The following ARHGAP26 variants were observed in gnomAD, a reference collection of about 807,000 sequenced individuals.
ARHGAP26 encodes Rho GTPase activating protein 26.
ARHGAP26 carries 38 observed loss-of-function variants against 104.8 expected under a neutral mutation model. That is an observed-to-expected ratio of 0.36 (90% CI 0.28 to 0.48). ARHGAP26 has a LOEUF of 0.48. ARHGAP26 is among the 20% of genes least tolerant of loss of function. The pLI is 0.99. For missense variants in ARHGAP26, 704 were observed against 947.9 expected, an observed-to-expected ratio of 0.74 and a Z score of 3.38; for synonymous variants, 341 against 340.0, an observed-to-expected ratio of 1.00 and a Z score of -0.03.
At chr5:143,048,599 T>C (rs1784547313) in intron 14 of ARHGAP26, among the ~76,000 whole-genome samples, 4 of 151,928 alleles carry the variant, frequency 2.6e-5, no homozygotes, top group Admixed American at 2.6e-4. Context: ...GTTATCTTTT[T>C]TCTAAACGAA....
At chr5:142,991,761 G>T (rs1045545357) in intron 11 of ARHGAP26, among the ~76,000 whole-genome samples, 2 of 152,210 alleles carry the variant, frequency 1.3e-5, no homozygotes, top group African/African-American at 4.8e-5. Context: ...TAGCCTAGTT[G>T]TGTAGTAGGC....
chr5:143,038,171 A>G (rs1345154066), intron 13 of ARHGAP26, among the ~76,000 whole-genome samples: 4 of 152,216 alleles, frequency 2.6e-5, no homozygotes, highest in Admixed American at 2.6e-4. Context: ...CTCTCAGCCT[A>G]CCAGCCCTTT....
At chr5:143,138,888 G>T (rs1298771570) in intron 19 of ARHGAP26, among the ~76,000 whole-genome samples, 1 of 152,182 alleles carries the variant, frequency 6.6e-6, no homozygotes, top group Admixed American at 6.5e-5. Flanking sequence ...GGGTTACACG[G>T]CAACAACGTA....
intron 11 of ARHGAP26, among the ~76,000 whole-genome samples, chr5:142,985,767 T>C (rs1274474862): frequency 6.6e-6 from 1 of 151,674 alleles, no homozygotes; most frequent in Non-Finnish European, 1.5e-5. Context: ...TTTGGTTTTC[T>C]GTCCTTGCGA....
chr5:143,219,590 T>C (rs1446238084), intron 22 of ARHGAP26, among the ~76,000 whole-genome samples: 1 of 152,192 alleles, frequency 6.6e-6, no homozygotes, highest in African/African-American at 2.4e-5. Context: ...ACAAAGGAAG[T>C]GGGGCTTCAG....
chr5:143,097,790 C>G (rs1167022833), intron 17 of ARHGAP26, among the ~76,000 whole-genome samples: 1 of 136,858 alleles, frequency 7.3e-6, no homozygotes, highest in Non-Finnish European at 1.5e-5. Flanking sequence ...CCACTGCATG[C>G]CAGCCTGGGT....
intron 21 of ARHGAP26, among the ~76,000 whole-genome samples, chr5:143,211,810 C>G (rs1809512143): frequency 2.0e-5 from 3 of 152,138 alleles, no homozygotes; most frequent in South Asian, 2.1e-4. Context: ...ATCCTCCCAC[C>G]TCCCAAAGTG....
chr5:142,885,831 T>C (rs1757621815), intron 5 of ARHGAP26, among the ~76,000 whole-genome samples: 1 of 152,258 alleles, frequency 6.6e-6, no homozygotes, highest in Admixed American at 6.5e-5. Context: ...TATTGATTTT[T>C]TCATTATTTC....
intron 19 of ARHGAP26, among the ~76,000 whole-genome samples, chr5:143,141,636 C>T (rs1295451598): frequency 1.3e-5 from 2 of 152,158 alleles, no homozygotes; most frequent in Non-Finnish European, 2.9e-5. Flanking sequence ...GTGTAGTTTC[C>T]TTCTAATGAG....
chr5:143,147,228 C>A lies in ARHGAP26; in HGVS notation c.1838-3C>A, dbSNP rs775603689. 2 of 1,613,450 alleles carry A rather than the reference C, an allele frequency of 1.2e-6. No homozygotes were observed. The highest frequency in any genetic ancestry group is 1.7e-6 in the Non-Finnish European group (2 of 1,179,696). ...TATGGGACTTGTGGCTTTTCCCCCC[C>A]AGAGGAACAAAGGAACAGCATCATC... is the stretch of plus-strand genomic sequence containing the variant. On this transcript the variant is annotated splice_region_variant and splice_polypyrimidine_tract_variant and intron_variant, in intron 19 of 22. Transcript: ENST00000645722.
At chr5:142,937,667 G>T (rs1305698270) in intron 11 of ARHGAP26, among the ~76,000 whole-genome samples, 2 of 152,082 alleles carry the variant, frequency 1.3e-5, no homozygotes, top group Non-Finnish European at 2.9e-5. Context: ...TGGGTGAATG[G>T]TTAAACAAAC....
intron 14 of ARHGAP26, 44 bp from the exon 15 acceptor site, chr5:143,054,395 C>G: frequency 7.2e-7 from 1 of 1,397,902 alleles, no homozygotes; most frequent in South Asian, 1.3e-5. Flanking sequence ...TTTATTAGTT[C>G]CATTTTATGC....
At position 142,887,285 on chromosome 5, in the gene ARHGAP26, C is replaced by T. The variant is rs150645697; in HGVS notation, c.486+1886C>T. 6.9e-4 allele frequency among the ~76,000 whole-genome samples: 105 copies of T among 152,184 alleles called. 2 individuals carry two copies. Among genetic ancestry groups the T allele is most frequent in the African/African-American group, 2.3e-3 (94 of 41,506 alleles). The stretch of plus-strand genomic sequence containing the variant: ...TGGGCTGGCAAAGAGGATACCTTGC[C>T]TCAAAACCTTCTCTGCTGTGTATTT... On this transcript the variant is annotated intron_variant, in intron 5 of 22. Transcript: ENST00000645722.
At chr5:143,109,439 GGTTTTTGTTT>G (rs1794487165) in intron 17 of ARHGAP26, among the ~76,000 whole-genome samples, 1 of 151,764 alleles carries the variant, frequency 6.6e-6, no homozygotes, top group Non-Finnish European at 1.5e-5. Context: ...ATCTCTTTTT[GGTTTTTGTTT>G]GTTTTTGTTT....
intron 18 of ARHGAP26, among the ~76,000 whole-genome samples, chr5:143,121,370 T>G (rs567350097): frequency 6.6e-6 from 1 of 152,288 alleles, no homozygotes; most frequent in African/African-American, 2.4e-5. Context: ...GTTATGGTGG[T>G]GGCAGTGGTG....
At chr5:142,824,253 G>C (rs1301591594) in intron 1 of ARHGAP26, among the ~76,000 whole-genome samples, 3 of 152,188 alleles carry the variant, frequency 2.0e-5, no homozygotes, top group Admixed American at 1.3e-4. Flanking sequence ...GTTGCTTGCT[G>C]AGTGGAGCTC....
intron 21 of ARHGAP26, among the ~76,000 whole-genome samples, chr5:143,211,037 A>G (rs998715266): frequency 2.0e-5 from 3 of 152,214 alleles, no homozygotes; most frequent in African/African-American, 7.2e-5. Flanking sequence ...AAGCCTACAA[A>G]TACAATCTCT....
At chr5:143,109,269 A>G (rs1794467988) in intron 17 of ARHGAP26, among the ~76,000 whole-genome samples, 1 of 152,174 alleles carries the variant, frequency 6.6e-6, no homozygotes, top group Non-Finnish European at 1.5e-5. Flanking sequence ...CCAAGAGGAA[A>G]ATGGGCAACA....
chr5:143,087,735 C>T (rs746515213), intron 17 of ARHGAP26, among the ~76,000 whole-genome samples: 33 of 147,470 alleles, frequency 2.2e-4, no homozygotes, highest in Non-Finnish European at 3.7e-4. Flanking sequence ...CCACAACCTC[C>T]GCCTCCCAGG....
Sources: gnomAD v4.1 joint callset for allele counts (sites outside exome capture counted in the v4.1 genomes callset) on GRCh38, gnomAD v4.1.1 for gene constraint, MANE v1.5 for transcripts, NCBI Gene and HGNC (gene_info 2026-07-23, HGNC 2026-07-21) for gene names.